TIMP2: variants seen among roughly 807,000 people sequenced by gnomAD.
TIMP2 encodes metalloproteinase inhibitor 2.
Under a neutral mutation model 24.3 loss-of-function variants are expected in TIMP2, and 5 were observed. The observed-to-expected ratio is 0.21, with a 90% confidence interval of 0.11 to 0.43. The LOEUF (loss-of-function observed/expected upper bound fraction) is 0.43. Ranked by LOEUF, TIMP2 falls within the 20% of genes least tolerant of loss-of-function variation. The pLI, the probability that TIMP2 is intolerant of heterozygous loss-of-function variation, is 1.00. For missense variants in TIMP2, 221 were observed against 297.5 expected, an observed-to-expected ratio of 0.74 and a Z score of 1.89; for synonymous variants, 130 against 123.2, an observed-to-expected ratio of 1.06 and a Z score of -0.37.
intron 4 of TIMP2, 194 bp from the exon 5 acceptor site, chr17:78,856,058 T>C (rs2069522981): frequency 1.6e-6 from 1 of 613,118 alleles, no homozygotes; most frequent in South Asian, 1.9e-5. Context: ...GCAGGGAAGC[T>C]GTGCCCTGCC....
rs770494866 is a variant in TIMP2, at chr17:78,873,939, G to A, written c.131-20C>T. On this transcript the variant is annotated intron_variant, in intron 1 of 4. Transcript: ENST00000262768. ...TGATCACTGCAAAACACAAGACACA[G>A]AGGTGAGGAGAGTTCCTGAAACACG... 2 of 1,608,318 alleles carry A rather than the reference G, an allele frequency of 1.2e-6. No individual in the cohort carries two copies. The highest frequency in any genetic ancestry group is 2.2e-5 in the South Asian group (2 of 90,982).
At position 78,891,849 on chromosome 17, in the gene TIMP2, G is replaced by A. The variant is rs1223548915; in HGVS notation, c.131-17930C>T. 2 of 1,550,708 alleles carry A rather than the reference G, an allele frequency of 1.3e-6. No homozygotes were observed. Among genetic ancestry groups the A allele is most frequent in the Admixed American group, 2.0e-5 (1 of 51,008 alleles). ...GGCCTTCCCTTTCTCTTCTCAGGCG[G>A]GGCCAGGTGAGAATTCATCCGACCC... is the stretch of plus-strand genomic sequence containing the variant. On this transcript the variant is annotated intron_variant, in intron 1 of 4. Transcript: ENST00000262768. The surrounding 1 kb of genome is among the most constrained non-coding windows in gnomAD (Gnocchi z 4.5).
chr17:78,890,390 C>T (rs766360905), intron 1 of TIMP2, among the ~76,000 whole-genome samples: 42 of 152,078 alleles, frequency 2.8e-4, no homozygotes, highest in African/African-American at 9.2e-4. Context: ...TTAGTAAAAA[C>T]GGGGTTTCGC....
rs1348095316 is a variant in TIMP2 at position 78,892,175 on chromosome 17, AAGCGCTGG to A, written c.131-18264_131-18257del. 7.1e-6 allele frequency: 11 copies of A among 1,550,942 alleles called. No homozygotes were observed. In the South Asian group the frequency reaches 1.3e-4, roughly 18 times the overall value. On this transcript the variant is annotated intron_variant, in intron 1 of 4. Coordinates refer to ENST00000262768, the MANE Select transcript of TIMP2 (RefSeq NM_003255.5). Reference sequence around the variant, plus strand: ...ATACCCTCTCCTCAACTCCTCAGCCAAGCGCTGGAGCTGGTAGTTTTTCCACAGCTTGG... The same window carrying A: ...ATACCCTCTCCTCAACTCCTCAGCCAAGCTGGTAGTTTTTCCACAGCTTGG...
Position 78,924,566 on chromosome 17 carries a change from A to G in TIMP2, c.130+393T>C, listed in dbSNP as rs1006405817. On this transcript the variant is annotated intron_variant, in intron 1 of 4. Transcript: ENST00000262768. The surrounding 1 kb of genome is among the most constrained non-coding windows in gnomAD (Gnocchi z 5.3). ...AAGCCCAACTCCCACCTTATCTGCG[A>G]AAGTTTCTTCCTGGGGTCCCCAGTC... is the stretch of plus-strand genomic sequence containing the variant. Among the ~76,000 whole-genome samples, 1 of 151,646 alleles carries G rather than the reference A, an allele frequency of 6.6e-6. No homozygotes were observed. Among genetic ancestry groups the G allele is most frequent in the African/African-American group, 2.4e-5 (1 of 41,386 alleles).
rs935807728 is a variant in TIMP2 at position 78,896,757 on chromosome 17, C to T, written c.131-22838G>A. On this transcript the variant is annotated intron_variant, in intron 1 of 4. Transcript: ENST00000262768. This position sits in a 1 kb window ranked among gnomAD's most constrained non-coding sequence, Gnocchi z 4.4. The stretch of plus-strand genomic sequence containing the variant: ...GGCGAGTGGACACCAATCTGGCCTC[C>T]GGACGGCACCAGGGCCTCCCACAGA... 1.3e-5 allele frequency among the ~76,000 whole-genome samples: 2 copies of T among 152,120 alleles called. No homozygotes were observed. Among genetic ancestry groups the T allele is most frequent in the Admixed American group, 1.3e-4 (2 of 15,266 alleles).
intron 1 of TIMP2, chr17:78,890,585 T>C (rs2069871872): frequency 2.0e-6 from 3 of 1,507,562 alleles, no homozygotes; most frequent in African/African-American, 1.4e-5. Flanking sequence ...CGGGTACCAG[T>C]GCTGGCAGCA....
At chr17:78,913,186 G>T (rs765173750) in intron 1 of TIMP2, among the ~76,000 whole-genome samples, 3 of 152,162 alleles carry the variant, frequency 2.0e-5, no homozygotes, top group Non-Finnish European at 4.4e-5. Flanking sequence ...CCGGCTACAG[G>T]ACCTCGCCAT....
Position 78,873,993 on chromosome 17 carries a change from G to A in TIMP2, c.131-74C>T, listed in dbSNP as rs926038167. The A allele has an allele frequency of 6.4e-6, 9 of 1,398,956 alleles. No individual in the cohort carries two copies. The East Asian group carries it at 6.9e-5, about 11-fold the overall frequency. The allele number at this position is 1,398,956 out of a possible 1,614,324, so 86.7% of individuals were successfully genotyped here. ...CTGGGGCTAAGGAGAGGGATAAGAC[G>A]TCCAGGCCTGCGGGAGGTGCTGGGG... On this transcript the variant is annotated intron_variant, in intron 1 of 4. Transcript: ENST00000262768.
intron 1 of TIMP2, among the ~76,000 whole-genome samples, chr17:78,915,192 C>T (rs1301702049): frequency 1.2e-4 from 18 of 152,146 alleles, no homozygotes; most frequent in Non-Finnish European, 1.5e-4. Flanking sequence ...TCACTGCAAC[C>T]GGCCCAGTCT....
At chr17:78,906,395 G>GAAATAA (rs535808055) in intron 1 of TIMP2, among the ~76,000 whole-genome samples, 5 of 151,974 alleles carry the variant, frequency 3.3e-5, no homozygotes, top group Admixed American at 2.0e-4. Flanking sequence ...AAAACTTGAA[G>GAAATAA]AAATAAAAAT....
At chr17:78,892,790 C>T (rs1426414521) in intron 1 of TIMP2, among the ~76,000 whole-genome samples, 1 of 152,122 alleles carries the variant, frequency 6.6e-6, no homozygotes, top group Non-Finnish European at 1.5e-5. Context: ...GCGAGGGAGG[C>T]TGCTGAATAC....
At chr17:78,867,592 TTC>T (rs2069628355) in intron 3 of TIMP2, among the ~76,000 whole-genome samples, 2 of 139,592 alleles carry the variant, frequency 1.4e-5, no homozygotes, top group African/African-American at 2.9e-5. Context: ...CTTTTGTACC[TTC>T]TTTTTTTTTT....
intron 1 of TIMP2, chr17:78,902,013 C>G (rs1466373889): frequency 1.8e-6 from 1 of 564,754 alleles, no homozygotes; most frequent in Admixed American, 3.2e-5. Context: ...TCTAAAAATA[C>G]CCTCCATGAC....
At chr17:78,922,737 C>T (rs934673765) in intron 1 of TIMP2, among the ~76,000 whole-genome samples, 35 of 151,954 alleles carry the variant, frequency 2.3e-4, no homozygotes, top group Admixed American at 1.8e-3. Context: ...GAGAATTGCT[C>T]GAACCCAGGA....
At chr17:78,905,754 T>C (rs950206636) in intron 1 of TIMP2, among the ~76,000 whole-genome samples, 2 of 152,256 alleles carry the variant, frequency 1.3e-5, no homozygotes, top group Non-Finnish European at 2.9e-5. Flanking sequence ...AAATGTTCTC[T>C]CTGGCATGGG....
rs1476621218 is a variant in TIMP2, at chr17:78,855,058, G to A, written c.*609C>T. On this transcript the variant is annotated 3_prime_UTR_variant, in exon 5 of 5. Transcript: ENST00000262768. The surrounding 1 kb of genome is among the most constrained non-coding windows in gnomAD (Gnocchi z 6.0). Reference sequence around the variant, plus strand: ...CCCACTGGAATTCTGAGGATTAATAGGATTGATGGGGCTCCTTCAAGAACT... The same window carrying A: ...CCCACTGGAATTCTGAGGATTAATAAGATTGATGGGGCTCCTTCAAGAACT... The A allele has an allele frequency of 2.6e-5, 4 of 154,674 alleles. No individual in the cohort carries two copies. The highest frequency in any genetic ancestry group is 4.8e-5 in the African/African-American group (2 of 41,430). 9.6% of individuals were successfully genotyped at this position (154,674 alleles called of 1,614,324 possible).
intron 3 of TIMP2, among the ~76,000 whole-genome samples, chr17:78,866,105 G>C (rs932806274): frequency 6.6e-6 from 1 of 152,146 alleles, no homozygotes; most frequent in South Asian, 2.1e-4. Context: ...GATGACAAAC[G>C]TAATAAATGC....
intron 3 of TIMP2, among the ~76,000 whole-genome samples, chr17:78,864,694 A>C (rs1414819019): frequency 6.6e-6 from 1 of 152,222 alleles, no homozygotes; most frequent in Non-Finnish European, 1.5e-5. Flanking sequence ...AAACATATAT[A>C]GAATTCAACT....
Sources: gnomAD v4.1 joint callset for allele counts (sites outside exome capture counted in the v4.1 genomes callset) on GRCh38, gnomAD v4.1.1 for gene constraint, Gnocchi (gnomAD v3.1) non-coding constraint, MANE v1.5 for transcripts, NCBI Gene and HGNC (gene_info 2026-07-23, HGNC 2026-07-21) for gene names.